DPYD: variants seen among roughly 807,000 people sequenced by gnomAD.
The protein encoded by DPYD is dihydropyrimidine dehydrogenase.
In DPYD, 109 loss-of-function variants were observed where a neutral mutation model predicts 116.2. That is an observed-to-expected ratio of 0.94 (90% CI 0.80 to 1.10). The LOEUF (loss-of-function observed/expected upper bound fraction) is 1.10. DPYD is among the 50% of genes least tolerant of loss of function. DPYD has a pLI of 0.00. For missense variants in DPYD, 1,302 were observed against 1,254.5 expected, an observed-to-expected ratio of 1.04 and a Z score of -0.57; for synonymous variants, 440 against 432.0, an observed-to-expected ratio of 1.02 and a Z score of -0.23.
At chr1:97,717,400 G>C (rs1253199708) in intron 5 of DPYD, among the ~76,000 whole-genome samples, 1 of 152,154 alleles carries the variant, frequency 6.6e-6, no homozygotes, top group Non-Finnish European at 1.5e-5. Flanking sequence ...TTGCTTGTCA[G>C]TTCCATTCTC....
At chr1:97,542,545 G>A (rs965426106) in intron 12 of DPYD, among the ~76,000 whole-genome samples, 1 of 151,962 alleles carries the variant, frequency 6.6e-6, no homozygotes, top group African/African-American at 2.4e-5. Context: ...TTTGTTTCTT[G>A]TTGTTTGTGA....
chr1:97,864,764 A>G (rs1671289409), intron 2 of DPYD, among the ~76,000 whole-genome samples: 2 of 152,026 alleles, frequency 1.3e-5, no homozygotes, highest in South Asian at 2.1e-4. Flanking sequence ...TGTTCACCAG[A>G]TTTATTAATA....
chr1:97,707,630 A>T (rs936969195), intron 5 of DPYD, among the ~76,000 whole-genome samples: 2 of 151,912 alleles, frequency 1.3e-5, no homozygotes, highest in African/African-American at 4.8e-5. Context: ...GAACCAAGAG[A>T]AATAATTTTT....
At chr1:97,216,515 G>A (rs935321925) in intron 19 of DPYD, among the ~76,000 whole-genome samples, 2 of 152,086 alleles carry the variant, frequency 1.3e-5, no homozygotes, top group Non-Finnish European at 2.9e-5. Context: ...TGAGAGAAGC[G>A]GGGCACAGTG....
intron 18 of DPYD, among the ~76,000 whole-genome samples, chr1:97,275,092 T>C (rs1440761293): frequency 6.6e-6 from 1 of 152,094 alleles, no homozygotes. Flanking sequence ...AACCTTGGCA[T>C]TAGGTAAAAG....
At chr1:97,560,747 G>T (rs1053675754) in intron 11 of DPYD, among the ~76,000 whole-genome samples, 1 of 152,236 alleles carries the variant, frequency 6.6e-6, no homozygotes, top group Admixed American at 6.5e-5. Flanking sequence ...AGGGTTACAT[G>T]AAAGAGACTA....
At chr1:97,432,908 G>A (rs1557708106) in intron 14 of DPYD, among the ~76,000 whole-genome samples, 1 of 152,126 alleles carries the variant, frequency 6.6e-6, no homozygotes, top group African/African-American at 2.4e-5. Flanking sequence ...GTCCCAGAAA[G>A]ACTCTAGAAT....
Position 97,239,140 on chromosome 1 carries a change from A to G in DPYD, c.2300-4146T>C, listed in dbSNP as rs1057334422. Reference sequence around the variant, plus strand: ...GCCCTCCATGTAGTCATAATTTAAAATACAAATCAGTGTGTTGAATTCATA... The same window carrying G: ...GCCCTCCATGTAGTCATAATTTAAAGTACAAATCAGTGTGTTGAATTCATA... On this transcript the variant is annotated intron_variant, in intron 18 of 22. Transcript: ENST00000370192. Among the ~76,000 whole-genome samples the G allele has an allele frequency of 5.3e-5, 8 of 152,302 alleles. No individual in the cohort carries two copies. The East Asian group carries it at 1.5e-3, about 29-fold the overall frequency.
intron 3 of DPYD, among the ~76,000 whole-genome samples, chr1:97,805,595 G>A (rs949552356): frequency 2.0e-5 from 3 of 151,728 alleles, no homozygotes; most frequent in Non-Finnish European, 2.9e-5. Context: ...GTAAGTCACA[G>A]GAGGCCAGTG....
At chr1:97,742,030 G>A (rs1207948811) in intron 3 of DPYD, among the ~76,000 whole-genome samples, 1 of 152,086 alleles carries the variant, frequency 6.6e-6, no homozygotes, top group Non-Finnish European at 1.5e-5. Context: ...TGACAAGGTA[G>A]GTGAACTAAT....
intron 18 of DPYD, among the ~76,000 whole-genome samples, chr1:97,303,246 CT>C (rs1438045660): frequency 6.6e-6 from 1 of 151,966 alleles, no homozygotes; most frequent in African/African-American, 2.4e-5. Flanking sequence ...CAAAATTAAA[CT>C]CTATTTAGTT....
At chr1:97,279,972 A>G (rs1437809548) in intron 18 of DPYD, 1 of 152,200 alleles carries the variant, frequency 6.6e-6, no homozygotes, top group East Asian at 1.9e-4. Flanking sequence ...CATTGCTTTC[A>G]TGACGGAGAT....
chr1:97,625,529 A>G (rs1050944004), intron 8 of DPYD, among the ~76,000 whole-genome samples: 3 of 152,048 alleles, frequency 2.0e-5, no homozygotes, highest in Non-Finnish European at 2.9e-5. Context: ...CTGACAATGC[A>G]TCTGTATTTG....
chr1:97,318,617 C>A (rs939620821), intron 16 of DPYD, among the ~76,000 whole-genome samples: 3 of 151,776 alleles, frequency 2.0e-5, no homozygotes, highest in South Asian at 2.1e-4. Context: ...CTTAGACTCC[C>A]ACACATTAAT....
At chr1:97,671,338 C>G (rs1018946562) in intron 8 of DPYD, among the ~76,000 whole-genome samples, 1 of 151,932 alleles carries the variant, frequency 6.6e-6, no homozygotes, top group Non-Finnish European at 1.5e-5. Flanking sequence ...AATACCCTAG[C>G]GAGTACTACC....
At chr1:97,643,633 T>A (rs762713354) in intron 8 of DPYD, among the ~76,000 whole-genome samples, 2 of 152,102 alleles carry the variant, frequency 1.3e-5, no homozygotes, top group Non-Finnish European at 2.9e-5. Context: ...CACATGCACA[T>A]GTATATTTAT....
chr1:97,490,240 G>T (rs1189309986), intron 13 of DPYD, among the ~76,000 whole-genome samples: 1 of 150,982 alleles, frequency 6.6e-6, no homozygotes, highest in Non-Finnish European at 1.5e-5. Flanking sequence ...CTGCTATACC[G>T]CTTACTAACA....
Position 97,310,696 on chromosome 1 carries a change from C to T in DPYD, c.2059-4399G>A, listed in dbSNP as rs1159860101. On this transcript the variant is annotated intron_variant, in intron 16 of 22. Coordinates refer to ENST00000370192, the MANE Select transcript of DPYD (RefSeq NM_000110.4). Reference sequence around the variant, plus strand: ...ACTTTGGAAATTAGTTGTGCAGTTTCCTAAAAAGGTAGACATGGACTTACT... The same window carrying T: ...ACTTTGGAAATTAGTTGTGCAGTTTTCTAAAAAGGTAGACATGGACTTACT... Among the ~76,000 whole-genome samples the T allele has an allele frequency of 2.6e-5, 4 of 151,800 alleles. No homozygotes were observed. The East Asian group carries it at 7.8e-4, about 30-fold the overall frequency.
chr1:97,143,744 G>A (rs1244465467), intron 20 of DPYD, among the ~76,000 whole-genome samples: 3 of 152,090 alleles, frequency 2.0e-5, no homozygotes, highest in African/African-American at 7.2e-5. Context: ...TAGTGTCTGA[G>A]GTGAGTCAAC....
Sources: gnomAD v4.1 joint callset for allele counts (sites outside exome capture counted in the v4.1 genomes callset) on GRCh38, gnomAD v4.1.1 for gene constraint, MANE v1.5 for transcripts, NCBI Gene and HGNC (gene_info 2026-07-23, HGNC 2026-07-21) for gene names.